The following SDK1 variants were observed in gnomAD, a reference collection of about 807,000 sequenced individuals.
SDK1 encodes the protein sidekick cell adhesion molecule 1.
In SDK1, 157 loss-of-function variants were observed where a neutral mutation model predicts 245.5. The observed-to-expected ratio is 0.64, with a 90% CI of 0.56 to 0.73. The LOEUF is 0.73. Ranked by LOEUF, SDK1 falls within the 30% of genes least tolerant of loss-of-function variation. The probability of loss-of-function intolerance (pLI) is 0.00; values close to 1 mark genes in which losing one functional copy is unlikely to be tolerated. For missense variants in SDK1, 3,583 were observed against 3,002.3 expected (o/e 1.19, Z -4.52); for synonymous variants, 1,647 against 1,278.5 (o/e 1.29, Z -6.15).
At chr7:3,492,885 T>C (rs1245194299) in intron 1 of SDK1, among the ~76,000 whole-genome samples, 1 of 152,222 alleles carries the variant, frequency 6.6e-6, no homozygotes, top group African/African-American at 2.4e-5. Context: ...ACACTAGGCA[T>C]TTGAGATTCA....
In SDK1 at chr7:3,760,222, T is replaced by A. The variant is rs369167558; in HGVS notation, c.714-61228T>A. Among the ~76,000 whole-genome samples, 22 of 152,310 alleles carry A rather than the reference T, an allele frequency of 1.4e-4. No homozygotes were observed. In the East Asian group the frequency reaches 4.1e-3, roughly 28 times the overall value. On this transcript the variant is annotated intron_variant, in intron 4 of 44. Transcript: ENST00000404826. The stretch of plus-strand genomic sequence containing the variant: ...TGGGTGGCTGCATATACAGTGATGA[T>A]CCAGTGCAGTTTTTGATCAATTTCA...
rs73050207 is a variant in SDK1, at chr7:4,237,537, A to G, written c.5993-110A>G. The G allele has an allele frequency of 2.3e-3, 2,882 of 1,250,938 alleles. 3 individuals are homozygous for G. Among genetic ancestry groups the G allele is most frequent in the Non-Finnish European group, 2.9e-3 (2,505 of 866,988 alleles). 77.5% of individuals were successfully genotyped at this position (1,250,938 alleles called of 1,614,324 possible). A position where few individuals can be genotyped will look rare whatever the true frequency, so the allele number is the denominator to read the frequency against. On this transcript the variant is annotated intron_variant, in intron 41 of 44. Transcript: ENST00000404826. ...TGGACATTGGTTTCATCTCACCTGT[A>G]ACTGGGAGTTATCTACCCCAGCCTT...
At chr7:4,006,685 C>A (rs1048120942) in intron 14 of SDK1, among the ~76,000 whole-genome samples, 2 of 152,114 alleles carry the variant, frequency 1.3e-5, no homozygotes, top group Non-Finnish European at 2.9e-5. Flanking sequence ...TCCAGCCAGA[C>A]CTTTTATTTT....
intron 1 of SDK1, among the ~76,000 whole-genome samples, chr7:3,358,249 C>G (rs1359445748): frequency 6.6e-6 from 1 of 151,918 alleles, no homozygotes; most frequent in East Asian, 1.9e-4. Context: ...TTTGAACTCC[C>G]GACCTCAAGT....
chr7:3,596,184 C>T (rs903233116), intron 1 of SDK1, among the ~76,000 whole-genome samples: 65 of 152,214 alleles, frequency 4.3e-4, no homozygotes, highest in African/African-American at 1.5e-3. Context: ...TTCAGTCTGT[C>T]GTTCCAGGGG....
chr7:3,953,286 T>C (rs1433788559), intron 7 of SDK1, among the ~76,000 whole-genome samples: 2 of 152,218 alleles, frequency 1.3e-5, no homozygotes, highest in Admixed American at 6.5e-5. Context: ...AATGACTCCA[T>C]GTCCTGACCT....
chr7:3,576,492 T>C (rs1415042741), intron 1 of SDK1, among the ~76,000 whole-genome samples: 2 of 152,084 alleles, frequency 1.3e-5, no homozygotes, highest in African/African-American at 4.8e-5. Flanking sequence ...AGAGATGTCT[T>C]GCTCCTTGCT....
intron 1 of SDK1, among the ~76,000 whole-genome samples, chr7:3,469,046 A>G (rs144475611): frequency 4.0e-4 from 61 of 152,322 alleles, no homozygotes; most frequent in Middle Eastern, 3.4e-3. Context: ...TGATCATGTC[A>G]TTATGTACTG....
At chr7:3,801,400 C>G (rs998539349) in intron 4 of SDK1, among the ~76,000 whole-genome samples, 1 of 152,152 alleles carries the variant, frequency 6.6e-6, no homozygotes. Context: ...ACCCTAGAGT[C>G]TACTGAATGT....
At chr7:3,819,364 C>T (rs1779588744) in intron 4 of SDK1, among the ~76,000 whole-genome samples, 2 of 151,380 alleles carry the variant, frequency 1.3e-5, no homozygotes, top group South Asian at 2.1e-4. Flanking sequence ...TTTTTATTTT[C>T]AATACTCTTG....
chr7:3,978,781 A>T (rs1478743172), intron 13 of SDK1, among the ~76,000 whole-genome samples: 3 of 152,222 alleles, frequency 2.0e-5, no homozygotes, highest in Non-Finnish European at 4.4e-5. Context: ...ATATTGCCAA[A>T]GGGAAGGGAC....
chr7:3,430,188 C>A (rs9655276), intron 1 of SDK1, among the ~76,000 whole-genome samples: 8 of 152,114 alleles, frequency 5.3e-5, no homozygotes, highest in African/African-American at 1.4e-4. Flanking sequence ...GAGAAGGAGC[C>A]GTTTCAGCGA....
chr7:4,058,722 T>C (rs939671873), intron 19 of SDK1, among the ~76,000 whole-genome samples: 2 of 152,094 alleles, frequency 1.3e-5, no homozygotes, highest in Non-Finnish European at 2.9e-5. Flanking sequence ...AAAAAATAAC[T>C]TGTTAGCCAA....
chr7:4,207,821 C>T (rs928112153), intron 36 of SDK1, among the ~76,000 whole-genome samples: 3 of 152,260 alleles, frequency 2.0e-5, no homozygotes, highest in Middle Eastern at 6.8e-3. Flanking sequence ...TCTTCAACAG[C>T]GCTTTGTTTA....
At chr7:3,785,169 G>T (rs978392052) in intron 4 of SDK1, among the ~76,000 whole-genome samples, 6 of 152,114 alleles carry the variant, frequency 3.9e-5, no homozygotes, top group African/African-American at 1.4e-4. Flanking sequence ...TAGCAGCAGA[G>T]AGTAAAATAA....
intron 1 of SDK1, among the ~76,000 whole-genome samples, chr7:3,549,659 G>C (rs749013023): frequency 1.3e-5 from 2 of 152,104 alleles, no homozygotes; most frequent in Admixed American, 6.5e-5. Context: ...TTTTAGCAAA[G>C]ACTTAGGCTA....
Position 3,301,740 on chromosome 7 carries a change from C to A in SDK1, c.154C>A (p.Arg52=). 2 of 979,626 alleles carry A rather than the reference C, an allele frequency of 2.0e-6. No individual in the cohort carries two copies. The highest frequency in any genetic ancestry group is 2.4e-6 in the Non-Finnish European group (2 of 827,832). 60.7% of individuals were successfully genotyped at this position (979,626 alleles called of 1,614,324 possible). A position where few individuals can be genotyped will look rare whatever the true frequency, so the allele number is the denominator to read the frequency against. ...PRPGPEPSRP[R]AAPETSGGDT... is the part of the protein sequence containing the mutation. ...CCCCGGCCCGGAGCCCTCGCGACCC[C>A]GGGCGGCGCCCGAGACCTCCGGCGG... The change falls in exon 1 of 45, where the codon CGG becomes AGG. Residue 52 remains arginine (R), a synonymous_variant. Transcript: ENST00000404826.
At chr7:3,640,001 C>G (rs1005905590) in intron 3 of SDK1, among the ~76,000 whole-genome samples, 1 of 152,060 alleles carries the variant, frequency 6.6e-6, no homozygotes, top group Non-Finnish European at 1.5e-5. Context: ...TGTGTGCCAC[C>G]ATGCCTGGCT....
chr7:3,517,376 C>T (rs1782787303), intron 1 of SDK1, among the ~76,000 whole-genome samples: 1 of 152,146 alleles, frequency 6.6e-6, no homozygotes, highest in Non-Finnish European at 1.5e-5. Context: ...TTCATTTCCT[C>T]TTGAGCTATA....
Sources: allele counts gnomAD v4.1 joint callset (sites outside exome capture counted in the v4.1 genomes callset), GRCh38; gene constraint gnomAD v4.1.1; transcripts MANE v1.5; gene names NCBI Gene and HGNC (gene_info 2026-07-23, HGNC 2026-07-21).